Variants in HIP1 observed in about 807,000 individuals in gnomAD.
The protein encoded by HIP1 is huntingtin-interacting protein 1.
HIP1 carries 65 observed loss-of-function variants against 147.6 expected under a neutral mutation model. That is an observed-to-expected ratio of 0.44 (90% CI 0.36 to 0.54). The LOEUF (loss-of-function observed/expected upper bound fraction) is 0.54. HIP1 is among the 20% of genes least tolerant of loss of function. HIP1 has a pLI of 0.00. For missense variants in HIP1, 1,061 were observed against 1,299.6 expected (o/e 0.82, Z 2.82); for synonymous variants, 479 against 504.0 (o/e 0.95, Z 0.67).
rs1197939311 is a variant in HIP1, at chr7:75,533,632, C to A, written c.*4540G>T. The A allele has an allele frequency of 1.3e-5, 3 of 232,610 alleles. No individual in the cohort carries two copies. Among genetic ancestry groups the A allele is most frequent in the Non-Finnish European group, 2.6e-5 (3 of 117,638 alleles). 14.4% of individuals were successfully genotyped at this position (232,610 alleles called of 1,614,324 possible). ...TCGGTTTGTCCCTATGAGTGGTAAT[C>A]AGTTTCATTTAGGGCCTTCAAACCT... On this transcript the variant is annotated 3_prime_UTR_variant, in exon 31 of 31. Coordinates refer to ENST00000336926, the MANE Select transcript of HIP1 (RefSeq NM_005338.7).
intron 1 of HIP1, among the ~76,000 whole-genome samples, chr7:75,709,718 T>G (rs1237483202): frequency 6.6e-6 from 1 of 152,206 alleles, no homozygotes; most frequent in Non-Finnish European, 1.5e-5. Flanking sequence ...CAGTACTATG[T>G]TGAATATAAG....
intron 1 of HIP1, among the ~76,000 whole-genome samples, chr7:75,635,732 A>T (rs976197958): frequency 6.6e-6 from 1 of 152,122 alleles, no homozygotes; most frequent in South Asian, 2.1e-4. Context: ...GCTAAAAATC[A>T]TGCAGGGACG....
chr7:75,610,918 T>C (rs1797409635), intron 1 of HIP1, among the ~76,000 whole-genome samples: 1 of 149,036 alleles, frequency 6.7e-6, no homozygotes, highest in African/African-American at 2.4e-5. Flanking sequence ...CTTTTTTTTT[T>C]GAGATGGGAG....
At chr7:75,571,322 TTCA>T (rs1795626109) in intron 8 of HIP1, among the ~76,000 whole-genome samples, 1 of 152,074 alleles carries the variant, frequency 6.6e-6, no homozygotes, top group East Asian at 1.9e-4. Context: ...CAATGAAAAG[TTCA>T]TCTGTATTCA....
At chr7:75,549,570 A>AT (rs1794705465) in intron 22 of HIP1, among the ~76,000 whole-genome samples, 1 of 150,744 alleles carries the variant, frequency 6.6e-6, no homozygotes, top group Non-Finnish European at 1.5e-5. Context: ...GGGTTTCACT[A>AT]TTTTGCCCAG....
At chr7:75,562,669 C>T (rs1453746729) in intron 11 of HIP1, among the ~76,000 whole-genome samples, 1 of 152,096 alleles carries the variant, frequency 6.6e-6, no homozygotes, top group East Asian at 1.9e-4. Context: ...TACTATGTTG[C>T]CCAGGCTGGT....
At chr7:75,706,473 C>CTTTTTTTTTTTTTTTTTTT (rs139655610) in intron 1 of HIP1, among the ~76,000 whole-genome samples, 2 of 138,092 alleles carry the variant, frequency 1.4e-5, no homozygotes, top group African/African-American at 2.8e-5. Flanking sequence ...TATATATCTT[C>CTTTTTTTTTTTTTTTTTTT]TTTTTTTTTA....
chr7:75,701,631 C>T (rs1444022873), intron 1 of HIP1, among the ~76,000 whole-genome samples: 2 of 152,142 alleles, frequency 1.3e-5, no homozygotes, highest in African/African-American at 4.8e-5. Flanking sequence ...AGGAGGATCA[C>T]TTGAGGCCAG....
At chr7:75,588,668 G>A (rs587605737) in intron 4 of HIP1, among the ~76,000 whole-genome samples, 3 of 152,144 alleles carry the variant, frequency 2.0e-5, no homozygotes, top group African/African-American at 7.2e-5. Context: ...CAGCTACTTG[G>A]AAGGCTGAGG....
At chr7:75,728,004 A>G (rs917870869) in intron 1 of HIP1, among the ~76,000 whole-genome samples, 1 of 152,196 alleles carries the variant, frequency 6.6e-6, no homozygotes, top group African/African-American at 2.4e-5. Flanking sequence ...CAGTTCTGCC[A>G]CTTCCTGAGT....
intron 1 of HIP1, among the ~76,000 whole-genome samples, chr7:75,668,250 G>A (rs1177484448): frequency 5.9e-5 from 9 of 152,168 alleles, no homozygotes; most frequent in Admixed American, 1.3e-4. Context: ...GGCGAGGGTC[G>A]GGGAGTGTCC....
At chr7:75,691,213 G>T (rs1584954201) in intron 1 of HIP1, among the ~76,000 whole-genome samples, 1 of 152,208 alleles carries the variant, frequency 6.6e-6, no homozygotes. Context: ...AAAGGGCCGG[G>T]CATGGTGGCT....
Position 75,534,393 on chromosome 7 carries a change from C to T in HIP1, c.*3779G>A, listed in dbSNP as rs1362113446. Reference sequence around the variant, plus strand: ...AACTCCTTGCTCAGATATAAAATAACCCTGCCAAGATGGCTCTTCTCTTCT... The same window carrying T: ...AACTCCTTGCTCAGATATAAAATAATCCTGCCAAGATGGCTCTTCTCTTCT... On this transcript the variant is annotated 3_prime_UTR_variant, in exon 31 of 31. Transcript: ENST00000336926. 1 of 200,638 alleles carries T rather than the reference C, an allele frequency of 5.0e-6. No homozygotes were observed. The highest frequency in any genetic ancestry group is 1.0e-5 in the Non-Finnish European group (1 of 97,402). 12.4% of individuals were successfully genotyped at this position (200,638 alleles called of 1,614,324 possible). A position where few individuals can be genotyped will look rare whatever the true frequency, so the allele number is the denominator to read the frequency against.
At chr7:75,697,072 C>A (rs1554518819) in intron 1 of HIP1, among the ~76,000 whole-genome samples, 1 of 151,952 alleles carries the variant, frequency 6.6e-6, no homozygotes. Flanking sequence ...AGGCATGCAG[C>A]CTAAGGTGAG....
rs371026143 is a variant in HIP1 at position 75,573,353 on chromosome 7, G to C, written c.745+408C>G. Among the ~76,000 whole-genome samples, 5 of 152,180 alleles carry C rather than the reference G, an allele frequency of 3.3e-5. No individual in the cohort carries two copies. In the East Asian group the frequency reaches 9.6e-4, roughly 29 times the overall value. Reference sequence around the variant, plus strand: ...ACAGGACAACCTGCCTACAGACAGAGAGCGGTACCCACTGCAGTCTCCTCT... The same window carrying C: ...ACAGGACAACCTGCCTACAGACAGACAGCGGTACCCACTGCAGTCTCCTCT... On this transcript the variant is annotated intron_variant, in intron 8 of 30. Transcript: ENST00000336926.
intron 1 of HIP1, among the ~76,000 whole-genome samples, chr7:75,708,611 T>A (rs1801072377): frequency 6.6e-6 from 1 of 152,036 alleles, no homozygotes; most frequent in African/African-American, 2.4e-5. Context: ...AAAAAAAAAG[T>A]TTTTTCCTCA....
At chr7:75,658,389 C>T (rs60949927) in intron 1 of HIP1, among the ~76,000 whole-genome samples, 17,747 of 152,168 alleles carry the variant, frequency 0.12, 2,418 homozygotes, top group African/African-American at 0.32. Context: ...TGTATCCGGC[C>T]TCTTCTTCAT....
chr7:75,691,201 GA>G (rs1470355528), intron 1 of HIP1, among the ~76,000 whole-genome samples: 4 of 151,134 alleles, frequency 2.6e-5, no homozygotes, highest in African/African-American at 9.7e-5. Context: ...AAAACTTCCA[GA>G]AAAGGGCCGG....
intron 1 of HIP1, among the ~76,000 whole-genome samples, chr7:75,719,681 A>T (rs1801442103): frequency 6.6e-6 from 1 of 152,072 alleles, no homozygotes; most frequent in South Asian, 2.1e-4. Context: ...TTGGCCTCCC[A>T]AAGTGCTGGG....
Sources: gnomAD v4.1 joint callset for allele counts (sites outside exome capture counted in the v4.1 genomes callset) on GRCh38, gnomAD v4.1.1 for gene constraint, MANE v1.5 for transcripts, NCBI Gene and HGNC (gene_info 2026-07-23, HGNC 2026-07-21) for gene names.